Variants in DOCK2 observed in about 807,000 individuals in gnomAD.
DOCK2 encodes the protein dedicator of cytokinesis 2, also known as dedicator of cytokinesis protein 2.
Under a neutral mutation model 248.9 loss-of-function variants are expected in DOCK2, and 87 were observed. The ratio of observed to expected loss-of-function variants is 0.35; its 90% confidence interval spans 0.29 to 0.42. The LOEUF is 0.42. DOCK2 is among the 10% of genes least tolerant of loss of function. The pLI is 1.00. For synonymous variants in DOCK2, 805 were observed against 821.6 expected, an observed-to-expected ratio of 0.98 and a Z score of 0.35; for missense variants, 1,747 against 2,300.2, an observed-to-expected ratio of 0.76 and a Z score of 4.92.
At chr5:170,053,271 A>G (rs1756984993) in intron 41 of DOCK2, among the ~76,000 whole-genome samples, 2 of 152,176 alleles carry the variant, frequency 1.3e-5, no homozygotes, top group African/African-American at 4.8e-5. Flanking sequence ...CTTCTCTAAA[A>G]CAGGGGTCTG....
intron 27 of DOCK2, chr5:169,934,698 T>C (rs1387745814): frequency 2.2e-6 from 1 of 456,246 alleles, no homozygotes. Context: ...TACGGAGTAT[T>C]AAATGTGATA....
At chr5:169,874,952 G>A (rs372912154) in intron 27 of DOCK2, among the ~76,000 whole-genome samples, 4 of 151,926 alleles carry the variant, frequency 2.6e-5, no homozygotes, top group Non-Finnish European at 5.9e-5. Flanking sequence ...TCCTTCCCTC[G>A]CCCTTGCCTC....
intron 1 of DOCK2, among the ~76,000 whole-genome samples, chr5:169,652,051 G>A (rs2113161441): frequency 6.6e-6 from 1 of 152,340 alleles, no homozygotes; most frequent in Non-Finnish European, 1.5e-5. Flanking sequence ...AATTTCAGCT[G>A]AGCCTCCCAG....
intron 41 of DOCK2, among the ~76,000 whole-genome samples, chr5:170,053,273 AG>A (rs1350346964): frequency 6.6e-6 from 1 of 152,216 alleles, no homozygotes; most frequent in Non-Finnish European, 1.5e-5. Flanking sequence ...TCTCTAAAAC[AG>A]GGGTCTGCAA....
intron 15 of DOCK2, among the ~76,000 whole-genome samples, chr5:169,708,568 C>CTTT (rs35842616): frequency 6.4e-4 from 93 of 144,310 alleles, no homozygotes; most frequent in African/African-American, 2.1e-3. Flanking sequence ...TAGCATTCTT[C>CTTT]TTTTTTTTTT....
chr5:169,656,191 G>A (rs1561573064), intron 2 of DOCK2, among the ~76,000 whole-genome samples: 1 of 152,132 alleles, frequency 6.6e-6, no homozygotes, highest in Admixed American at 6.5e-5. Flanking sequence ...AAAAACAGCA[G>A]CAACTCTCCT....
chr5:169,984,314 G>T (rs1778011785), intron 28 of DOCK2, among the ~76,000 whole-genome samples: 1 of 152,138 alleles, frequency 6.6e-6, no homozygotes, highest in Admixed American at 6.5e-5. Context: ...TGCCTGTGAT[G>T]ATATCCACAC....
rs1420358294 is a variant in DOCK2 at position 169,763,876 on chromosome 5, T to C, written c.2554+2251T>C. On this transcript the variant is annotated intron_variant, in intron 25 of 51. Coordinates refer to ENST00000520908, the MANE Select transcript of DOCK2 (RefSeq NM_004946.3). The surrounding 1 kb of genome is among the most constrained non-coding windows in gnomAD (Gnocchi z 4.1). ...GCTCGGCTCACATGTGAAAGTCGTA[T>C]GACCTTATTCACAGCTGAAAGGTAA... Among the ~76,000 whole-genome samples, 1 of 152,230 alleles carries C rather than the reference T, an allele frequency of 6.6e-6. No homozygotes were observed. The highest frequency in any genetic ancestry group is 1.5e-5 in the Non-Finnish European group (1 of 68,040).
chr5:169,949,144 T>C (rs553846347), intron 27 of DOCK2, among the ~76,000 whole-genome samples: 1 of 152,350 alleles, frequency 6.6e-6, no homozygotes, highest in East Asian at 1.9e-4. Context: ...TGAATATTCA[T>C]GCAAAAGTCG....
At chr5:169,638,464 G>T (rs1331523801) in intron 1 of DOCK2, among the ~76,000 whole-genome samples, 1 of 152,206 alleles carries the variant, frequency 6.6e-6, no homozygotes, top group Non-Finnish European at 1.5e-5. Flanking sequence ...TAGAGGCTTG[G>T]ACTGGGAAGT....
chr5:169,924,187 A>C (rs906482808), intron 27 of DOCK2, among the ~76,000 whole-genome samples: 5 of 152,212 alleles, frequency 3.3e-5, no homozygotes, highest in African/African-American at 1.2e-4. Context: ...GACCACAGCC[A>C]TCTGACAAGT....
intron 27 of DOCK2, among the ~76,000 whole-genome samples, chr5:169,906,523 G>A (rs1000189600): frequency 6.6e-6 from 1 of 151,978 alleles, no homozygotes; most frequent in Admixed American, 6.6e-5. Context: ...GTAGAGACAG[G>A]GTCTCCCTAT....
chr5:169,662,720 A>G (rs989963977), intron 2 of DOCK2, among the ~76,000 whole-genome samples: 1 of 152,160 alleles, frequency 6.6e-6, no homozygotes, highest in Non-Finnish European at 1.5e-5. Flanking sequence ...CTCACTTACT[A>G]TCACAAGAAC....
intron 24 of DOCK2, chr5:169,761,288 A>G: frequency 2.2e-6 from 1 of 459,804 alleles, no homozygotes; most frequent in Non-Finnish European, 3.9e-6. Flanking sequence ...GTACACGGTA[A>G]CTGCTCAGGG....
chr5:169,882,203 A>T (rs1185901226), intron 27 of DOCK2, among the ~76,000 whole-genome samples: 1 of 152,128 alleles, frequency 6.6e-6, no homozygotes, highest in African/African-American at 2.4e-5. Context: ...GAGGAGGGGG[A>T]TGGGGAAGTG....
intron 22 of DOCK2, among the ~76,000 whole-genome samples, chr5:169,738,360 A>G (rs262845): frequency 0.88 from 134,651 of 152,244 alleles, 59,641 homozygotes; most frequent in East Asian, 0.98. Context: ...CCACAGGTGA[A>G]AGGAAATGGA....
chr5:170,016,823 A>C (rs1164929519), intron 32 of DOCK2, among the ~76,000 whole-genome samples: 1 of 152,230 alleles, frequency 6.6e-6, no homozygotes, highest in Non-Finnish European at 1.5e-5. Flanking sequence ...CTGTGGTTTG[A>C]AAAAGACTTA....
chr5:169,773,518 A>G (rs1252766287), intron 25 of DOCK2, among the ~76,000 whole-genome samples: 1 of 152,250 alleles, frequency 6.6e-6, no homozygotes. Flanking sequence ...CTGTTCTCAT[A>G]TCTTTCAAAC....
At chr5:169,815,325 A>C (rs1416061488) in intron 26 of DOCK2, among the ~76,000 whole-genome samples, 2 of 152,250 alleles carry the variant, frequency 1.3e-5, no homozygotes, top group African/African-American at 2.4e-5. Flanking sequence ...ATGATCCACC[A>C]GGTTCTGTTC....
Sources: gnomAD v4.1 joint callset for allele counts (sites outside exome capture counted in the v4.1 genomes callset) on GRCh38, gnomAD v4.1.1 for gene constraint, Gnocchi (gnomAD v3.1) non-coding constraint, MANE v1.5 for transcripts, NCBI Gene and HGNC (gene_info 2026-07-23, HGNC 2026-07-21) for gene names.